The following RPS6KA2 variants were observed in gnomAD, a reference collection of about 807,000 sequenced individuals.
The protein encoded by RPS6KA2 is ribosomal protein S6 kinase A2.
A neutral mutation model predicts 91.8 loss-of-function variants in RPS6KA2; 42 were observed. That is an observed-to-expected ratio of 0.46 (90% CI 0.36 to 0.59). The LOEUF (loss-of-function observed/expected upper bound fraction) is 0.59. Ranked by LOEUF, RPS6KA2 falls within the 20% of genes least tolerant of loss-of-function variation. The pLI is 0.00. For synonymous variants in RPS6KA2, 414 were observed against 393.6 expected (o/e 1.05, Z -0.61); for missense variants, 798 against 978.5 (o/e 0.82, Z 2.46).
chr6:166,845,013 G>A (rs893869176), intron 2 of RPS6KA2, among the ~76,000 whole-genome samples: 5 of 151,972 alleles, frequency 3.3e-5, no homozygotes, highest in Non-Finnish European at 5.9e-5. Flanking sequence ...ATAAAGAGGT[G>A]GAAAAGATAT....
At chr6:166,488,026 G>A (rs138664918) in intron 10 of RPS6KA2, among the ~76,000 whole-genome samples, 2 of 152,094 alleles carry the variant, frequency 1.3e-5, no homozygotes, top group African/African-American at 4.8e-5. Context: ...CCGAAATGAA[G>A]TATTTCCTGA....
chr6:166,803,671 G>A (rs1337893439), intron 2 of RPS6KA2, among the ~76,000 whole-genome samples: 1 of 152,208 alleles, frequency 6.6e-6, no homozygotes, highest in Non-Finnish European at 1.5e-5. Context: ...GAGACTCTCA[G>A]TGGATCTGTC....
At chr6:166,590,848 G>C (rs191493315) in intron 1 of RPS6KA2, among the ~76,000 whole-genome samples, 7 of 152,206 alleles carry the variant, frequency 4.6e-5, no homozygotes, top group Non-Finnish European at 2.9e-5. Flanking sequence ...ATAAGGGAAC[G>C]GAAGAGATCA....
intron 2 of RPS6KA2, among the ~76,000 whole-genome samples, chr6:166,659,390 G>T (rs1582994436): frequency 6.6e-6 from 1 of 152,316 alleles, no homozygotes; most frequent in South Asian, 2.1e-4. Context: ...GGTGGCCGGG[G>T]AGGGGAGAGG....
At chr6:166,516,770 C>G (rs1254187570) in intron 3 of RPS6KA2, among the ~76,000 whole-genome samples, 1 of 152,204 alleles carries the variant, frequency 6.6e-6, no homozygotes, top group Non-Finnish European at 1.5e-5. Flanking sequence ...TCCAATGTGC[C>G]TCCTCTTCTG....
In RPS6KA2 at chr6:166,412,539, G is replaced by A. The variant is rs1778343052; in HGVS notation, c.*223C>T. The A allele has an allele frequency of 2.3e-6, 1 of 433,866 alleles. No individual in the cohort carries two copies. Among genetic ancestry groups the A allele is most frequent in the Admixed American group, 4.0e-5 (1 of 24,962 alleles). The allele number at this position is 433,866 out of a possible 1,614,324, so 26.9% of individuals were successfully genotyped here. A position where few individuals can be genotyped will look rare whatever the true frequency, so the allele number is the denominator to read the frequency against. ...GAAGGGGCGCATTTGGTTTCGCTTG[G>A]GAGAAAAGAGAGCGGGCGGGGAGGC... is the stretch of plus-strand genomic sequence containing the variant. On this transcript the variant is annotated 3_prime_UTR_variant, in exon 21 of 21. Coordinates refer to ENST00000265678, the MANE Select transcript of RPS6KA2 (RefSeq NM_021135.6). This position sits in a 1 kb window ranked among gnomAD's most constrained non-coding sequence, Gnocchi z 4.3.
intron 10 of RPS6KA2, among the ~76,000 whole-genome samples, chr6:166,478,726 G>C (rs765024654): frequency 7.2e-5 from 11 of 152,192 alleles, no homozygotes; most frequent in Non-Finnish European, 1.3e-4. Flanking sequence ...AAGCAATGAG[G>C]CCGGGGGGTT....
At chr6:166,807,627 G>T (rs772555739) in intron 2 of RPS6KA2, among the ~76,000 whole-genome samples, 5 of 151,790 alleles carry the variant, frequency 3.3e-5, no homozygotes, top group African/African-American at 4.8e-5. Flanking sequence ...CACCTGGCCT[G>T]GTGACCTCTG....
chr6:166,708,431 G>C (rs1020187771), intron 2 of RPS6KA2, among the ~76,000 whole-genome samples: 1 of 152,168 alleles, frequency 6.6e-6, no homozygotes, highest in African/African-American at 2.4e-5. Flanking sequence ...ACTTGACACA[G>C]AAAAATCTCA....
intron 2 of RPS6KA2, among the ~76,000 whole-genome samples, chr6:166,671,509 C>T (rs753872832): frequency 8.5e-5 from 13 of 152,208 alleles, no homozygotes; most frequent in South Asian, 8.3e-4. Context: ...CTCCACCACA[C>T]GACTCTTCTC....
At chr6:166,845,430 T>C (rs1780581251) in intron 2 of RPS6KA2, among the ~76,000 whole-genome samples, 1 of 152,066 alleles carries the variant, frequency 6.6e-6, no homozygotes, top group African/African-American at 2.4e-5. Context: ...TCAGCACATG[T>C]AACATTCTCC....
chr6:166,438,677 C>T (rs1380070070), intron 14 of RPS6KA2, among the ~76,000 whole-genome samples: 1 of 152,214 alleles, frequency 6.6e-6, no homozygotes, highest in East Asian at 1.9e-4. Context: ...ACAAGTGCAA[C>T]AGTCAGTGAA....
chr6:166,627,162 A>C lies in RPS6KA2; in HGVS notation c.-143T>G, dbSNP rs1212503568. On this transcript the variant is annotated 5_prime_UTR_variant, in exon 1 of 21. Transcript: ENST00000265678. ...CCATGGGCGCGGGGCGTGGGGCGCG[A>C]GCTGCGGTCACAAAGGGCAGGCCGC... The C allele has an allele frequency of 9.1e-7, 1 of 1,097,010 alleles. No individual in the cohort carries two copies. Among genetic ancestry groups the C allele is most frequent in the Non-Finnish European group, 1.1e-6 (1 of 903,166 alleles). The allele number at this position is 1,097,010 out of a possible 1,614,324, so 68.0% of individuals were successfully genotyped here.
Position 166,445,579 on chromosome 6 carries a change from A to C in RPS6KA2, c.1332+3145T>G, listed in dbSNP as rs529398720. ...ATTGCCAGTGTCCCCTGGGGGCCAC[A>C]GTTACCCCAAATGAATATGACTGCC... On this transcript the variant is annotated intron_variant, in intron 14 of 20. Coordinates refer to ENST00000265678, the MANE Select transcript of RPS6KA2 (RefSeq NM_021135.6). This position sits in a 1 kb window ranked among gnomAD's most constrained non-coding sequence, Gnocchi z 4.5. Among the ~76,000 whole-genome samples, 2 of 152,336 alleles carry C rather than the reference A, an allele frequency of 1.3e-5. No individual in the cohort carries two copies. Among genetic ancestry groups the C allele is most frequent in the East Asian group, 3.9e-4 (2 of 5,194 alleles).
intron 2 of RPS6KA2, among the ~76,000 whole-genome samples, chr6:166,686,378 T>A (rs568157854): frequency 1.3e-5 from 2 of 152,292 alleles, no homozygotes; most frequent in African/African-American, 4.8e-5. Flanking sequence ...TTTTCTGCTT[T>A]TTTGTATGCA....
chr6:166,691,144 T>C (rs1264202363), intron 2 of RPS6KA2, among the ~76,000 whole-genome samples: 1 of 152,062 alleles, frequency 6.6e-6, no homozygotes, highest in Non-Finnish European at 1.5e-5. Context: ...TAATGTTGCT[T>C]CTCCTTTTAT....
intron 1 of RPS6KA2, among the ~76,000 whole-genome samples, chr6:166,614,743 G>C (rs934627449): frequency 6.6e-6 from 1 of 152,090 alleles, no homozygotes; most frequent in Non-Finnish European, 1.5e-5. Context: ...TGCGTTCCTT[G>C]CTCCTGACCC....
chr6:166,744,964 T>C (rs1790946472), intron 2 of RPS6KA2, among the ~76,000 whole-genome samples: 2 of 151,984 alleles, frequency 1.3e-5, no homozygotes, highest in African/African-American at 4.8e-5. Flanking sequence ...GCGTAACAAA[T>C]AACAGAGGCT....
chr6:166,498,395 A>G, intron 8 of RPS6KA2, 113 bp downstream of exon 8: 1 of 1,243,456 alleles, frequency 8.0e-7, no homozygotes, highest in Non-Finnish European at 1.1e-6. Context: ...CAGTGTCCCA[A>G]GCCCTCAGGC....
Sources: allele counts gnomAD v4.1 joint callset (sites outside exome capture counted in the v4.1 genomes callset), GRCh38; gene constraint gnomAD v4.1.1; non-coding constraint Gnocchi (gnomAD v3.1); transcripts MANE v1.5; gene names NCBI Gene and HGNC (gene_info 2026-07-23, HGNC 2026-07-21).